The following STARD13 variants were observed in gnomAD, a reference collection of about 807,000 sequenced individuals.
The protein encoded by STARD13 is StAR related lipid transfer domain containing 13.
STARD13 carries 62 observed loss-of-function variants against 106.4 expected under a neutral mutation model. That is an observed-to-expected ratio of 0.58 (90% CI 0.48 to 0.72). STARD13 has a LOEUF of 0.72. STARD13 is among the 30% of genes least tolerant of loss of function. The probability of loss-of-function intolerance (pLI) is 0.00; values close to 1 mark genes in which losing one functional copy is unlikely to be tolerated. For missense variants in STARD13, 1,387 were observed against 1,424.0 expected (o/e 0.97, Z 0.42); for synonymous variants, 565 against 553.0 (o/e 1.02, Z -0.31).
chr13:33,152,788 C>T lies in STARD13; in HGVS notation c.324-10415G>A, dbSNP rs370561928. 1.3e-3 allele frequency among the ~76,000 whole-genome samples: 193 copies of T among 152,304 alleles called. 5 individuals are homozygous for T. The South Asian group carries it at 0.039, about 31-fold the overall frequency. On this transcript the variant is annotated intron_variant, in intron 3 of 13. Transcript: ENST00000336934. ...CTGCTGTCTCCCTTGTGCTCAAGCA[C>T]AAGCCTTGAAATAAAAGCCTAGTCT...
the STARD13 span, among the ~76,000 whole-genome samples, chr13:33,522,753 A>G: frequency 6.6e-6 from 1 of 152,290 alleles, no homozygotes; most frequent in Admixed American, 6.5e-5. Flanking sequence ...CCCAGACTTG[A>G]GTACTGGTTT....
the STARD13 span, among the ~76,000 whole-genome samples, chr13:33,531,676 A>G: frequency 1.5e-4 from 23 of 152,186 alleles, 1 homozygote; most frequent in East Asian, 9.6e-4. Flanking sequence ...CAACAGACAT[A>G]GAGATAGAAA....
the STARD13 span, among the ~76,000 whole-genome samples, chr13:33,534,838 T>C: frequency 6.6e-6 from 1 of 152,216 alleles, no homozygotes; most frequent in African/African-American, 2.4e-5. Flanking sequence ...AATGAAACAC[T>C]AACCCCAAAG....
Position 33,297,373 on chromosome 13 carries a change from T to A in STARD13, c.124+52917A>T, listed in dbSNP as rs1348728139. On this transcript the variant is annotated intron_variant, in intron 1 of 5. Coordinates refer to the STARD13 transcript ENST00000567873. ...CTGCACAGAAAGATAGAACTTGCTA[T>A]CTTTTGTAACAAAAGCTCCTCACAA... Among the ~76,000 whole-genome samples, 3 of 152,242 alleles carry A rather than the reference T, an allele frequency of 2.0e-5. No homozygotes were observed. In the South Asian group the frequency reaches 6.2e-4, roughly 32 times the overall value.
chr13:33,159,757 A>G lies in STARD13; in HGVS notation c.323+5580T>C, dbSNP rs73467834. On this transcript the variant is annotated intron_variant, in intron 3 of 13. Coordinates refer to ENST00000336934, the MANE Select transcript of STARD13 (RefSeq NM_178006.4). Reference sequence around the variant, plus strand: ...ACACTGTGTCATTTACAGTAACACCACAAACATGAAATTCTTAGATACTAT... The same window carrying G: ...ACACTGTGTCATTTACAGTAACACCGCAAACATGAAATTCTTAGATACTAT... Among the ~76,000 whole-genome samples the G allele has an allele frequency of 6.9e-3, 1,051 of 152,326 alleles. 5 individuals are homozygous for G. The highest frequency in any genetic ancestry group is 0.023 in the African/African-American group (944 of 41,574).
intron 1 of STARD13, among the ~76,000 whole-genome samples, chr13:33,205,123 C>T (rs1887322957): frequency 1.3e-5 from 2 of 152,192 alleles, no homozygotes; most frequent in African/African-American, 4.8e-5. Flanking sequence ...ACGCAAACCA[C>T]TTAGATGTAA....
the STARD13 span, among the ~76,000 whole-genome samples, chr13:33,478,235 A>T: frequency 6.6e-6 from 1 of 152,280 alleles, no homozygotes; most frequent in South Asian, 2.1e-4. Flanking sequence ...TGTCTCAGTG[A>T]TTGGCTTTCT....
chr13:33,191,696 T>C (rs909285898), intron 1 of STARD13, among the ~76,000 whole-genome samples: 1 of 152,234 alleles, frequency 6.6e-6, no homozygotes, highest in African/African-American at 2.4e-5. Flanking sequence ...CATACTGTGG[T>C]CTCTGACACA....
chr13:33,343,332 TGG>T (rs903561772), intron 1 of STARD13, among the ~76,000 whole-genome samples: 1 of 151,248 alleles, frequency 6.6e-6, no homozygotes, highest in Admixed American at 6.6e-5. Flanking sequence ...CCCAGCACCT[TGG>T]GAGGTGGAGG....
rs1160927891 is a variant in STARD13 at position 33,105,651 on chromosome 13, G to T, written c.3284C>A (p.Ala1095Asp). Residue 1095 changes from alanine to aspartate, a missense_variant, in exon 14 of 14, where the codon GCC (alanine) becomes GAC (aspartate). Ala to Asp is a moderately radical substitution (Grantham distance 126). Coordinates refer to ENST00000336934, the MANE Select transcript of STARD13 (RefSeq NM_178006.4). ...GGGCTGGAAAGAGTTTCTAATCCTG[G>T]CAACTTCTGCTGCACACAGATGTCC... ...GFGHLCAAEV[A>D]RIRNSFQPLI... 9.3e-6 allele frequency: 15 copies of T among 1,614,156 alleles called. No individual in the cohort carries two copies. Among genetic ancestry groups the T allele is most frequent in the Non-Finnish European group, 1.3e-5 (15 of 1,179,984 alleles).
rs539053375 is a variant in STARD13, at chr13:33,248,300, G to A, written c.169+37170C>T. 1.4e-3 allele frequency among the ~76,000 whole-genome samples: 210 copies of A among 152,288 alleles called. 1 individual carries two copies. The highest frequency in any genetic ancestry group is 2.0e-3 in the Non-Finnish European group (139 of 68,030). ...TGTGGTGAGCTATAATCCTGCCACT[G>A]CACTCCAGCCTGGGCGACAGAGTGA... On this transcript the variant is annotated intron_variant, in intron 1 of 13. Transcript: ENST00000336934.
At chr13:33,209,459 C>T (rs56701710) in intron 1 of STARD13, among the ~76,000 whole-genome samples, 7,471 of 148,944 alleles carry the variant, frequency 0.05, 634 homozygotes, top group African/African-American at 0.17. Flanking sequence ...CTCTCTCTCT[C>T]TTTTTTTTTT....
intron 1 of STARD13, among the ~76,000 whole-genome samples, chr13:33,233,909 C>T (rs560030167): frequency 1.6e-4 from 24 of 152,328 alleles, no homozygotes; most frequent in Middle Eastern, 6.8e-3. Context: ...TGCTTGCTCA[C>T]GTGCTCCCTC....
exon 1 of STARD13, chr13:33,350,506 G>A (rs1236376407): frequency 1.4e-6 from 2 of 1,457,400 alleles, no homozygotes; most frequent in Non-Finnish European, 1.8e-6. Flanking sequence ...AAGGACGGAC[G>A]CGGCACTCCC....
chr13:33,414,528 G>C, the STARD13 span, among the ~76,000 whole-genome samples: 1 of 149,028 alleles, frequency 6.7e-6, no homozygotes, highest in African/African-American at 2.5e-5. Flanking sequence ...AGGCTGAAGG[G>C]AAAAAGCCAA....
chr13:33,114,443 G>A (rs1011416133), intron 8 of STARD13, among the ~76,000 whole-genome samples: 16 of 152,118 alleles, frequency 1.1e-4, no homozygotes, highest in South Asian at 2.1e-4. Flanking sequence ...TCTGAAACCC[G>A]TCTCCACTCC....
At chr13:33,128,018 T>C (rs961756439) in intron 5 of STARD13, among the ~76,000 whole-genome samples, 2 of 147,068 alleles carry the variant, frequency 1.4e-5, no homozygotes, top group African/African-American at 5.0e-5. Context: ...GATGGAGAGA[T>C]GGAGAGATGA....
At chr13:33,620,286 CTTTT>C in the STARD13 span, among the ~76,000 whole-genome samples, 1 of 142,776 alleles carries the variant, frequency 7.0e-6, no homozygotes. Context: ...TTTCTTTTTT[CTTTT>C]TTTTTTTTTT....
chr13:33,576,879 T>G, the STARD13 span, among the ~76,000 whole-genome samples: 5 of 152,220 alleles, frequency 3.3e-5, no homozygotes, highest in Non-Finnish European at 7.3e-5. Context: ...GAAGTCATTA[T>G]AAAGGCATTC....
Sources: allele counts gnomAD v4.1 joint callset (sites outside exome capture counted in the v4.1 genomes callset), GRCh38; gene constraint gnomAD v4.1.1; transcripts MANE v1.5; gene names NCBI Gene and HGNC (gene_info 2026-07-23, HGNC 2026-07-21).